The following SLIT3 variants were observed in gnomAD, a reference collection of about 807,000 sequenced individuals.
The protein encoded by SLIT3 is slit homolog 3 protein.
Under a neutral mutation model 184.0 loss-of-function variants are expected in SLIT3, and 68 were observed. That is an observed-to-expected ratio of 0.37 (90% CI 0.30 to 0.45). SLIT3 has a LOEUF of 0.45. Ranked by LOEUF, SLIT3 falls within the 20% of genes least tolerant of loss-of-function variation. The probability of loss-of-function intolerance (pLI) is 1.00; values close to 1 mark genes in which losing one functional copy is unlikely to be tolerated. For missense variants in SLIT3, 1,707 were observed against 2,026.0 expected, an observed-to-expected ratio of 0.84 and a Z score of 3.02; for synonymous variants, 831 against 828.6, an observed-to-expected ratio of 1.00 and a Z score of -0.05.
At chr5:169,020,237 T>C (rs1046157772) in intron 4 of SLIT3, among the ~76,000 whole-genome samples, 2 of 152,202 alleles carry the variant, frequency 1.3e-5, no homozygotes. Context: ...TGAACAAACA[T>C]ATTTCCTTGT....
chr5:168,922,546 A>G (rs1051609833), intron 4 of SLIT3, among the ~76,000 whole-genome samples: 4 of 151,968 alleles, frequency 2.6e-5, no homozygotes, highest in Non-Finnish European at 5.9e-5. Flanking sequence ...GCATTTGAGA[A>G]CAGGCTGACC....
intron 20 of SLIT3, among the ~76,000 whole-genome samples, chr5:168,740,655 C>T (rs1414852452): frequency 6.6e-6 from 1 of 152,154 alleles, no homozygotes; most frequent in Admixed American, 6.5e-5. Context: ...AACCCTCCAC[C>T]CCAGGAAGAC....
chr5:169,263,679 T>C (rs774541713), intron 1 of SLIT3: 3 of 513,084 alleles, frequency 5.8e-6, no homozygotes, highest in East Asian at 6.6e-5. Context: ...AGGGCTGCCA[T>C]AGCACAGACA....
At chr5:169,109,947 A>G (rs1249206852) in intron 4 of SLIT3, among the ~76,000 whole-genome samples, 3 of 152,214 alleles carry the variant, frequency 2.0e-5, no homozygotes, top group Admixed American at 6.5e-5. Flanking sequence ...CAGCAGGAAT[A>G]TCAAGATCCT....
chr5:169,187,463 G>A (rs779440347), intron 4 of SLIT3, among the ~76,000 whole-genome samples: 7 of 152,100 alleles, frequency 4.6e-5, no homozygotes, highest in Non-Finnish European at 8.8e-5. Context: ...ATTTGAACCT[G>A]AATCTGGGAT....
chr5:169,166,876 CA>C (rs1369320006), intron 4 of SLIT3, among the ~76,000 whole-genome samples: 2 of 152,148 alleles, frequency 1.3e-5, no homozygotes, highest in Non-Finnish European at 2.9e-5. Context: ...TTGTTAATAA[CA>C]ATGACTGGCC....
chr5:169,036,255 G>T (rs921498465), intron 4 of SLIT3: 1 of 152,150 alleles, frequency 6.6e-6, no homozygotes, highest in Non-Finnish European at 1.5e-5. Flanking sequence ...TTCCTCCTTC[G>T]TGGGATCCAG....
intron 4 of SLIT3, among the ~76,000 whole-genome samples, chr5:168,961,439 G>A (rs999400203): frequency 9.9e-5 from 15 of 152,206 alleles, no homozygotes; most frequent in African/African-American, 3.6e-4. Flanking sequence ...AGCAGGGTGA[G>A]AGTGGGAGGT....
intron 3 of SLIT3, among the ~76,000 whole-genome samples, chr5:169,219,684 C>A (rs1352262754): frequency 6.6e-6 from 1 of 152,234 alleles, no homozygotes; most frequent in African/African-American, 2.4e-5. Flanking sequence ...TCATCTTACT[C>A]AGCCTCAGCT....
intron 4 of SLIT3, among the ~76,000 whole-genome samples, chr5:169,085,737 G>T (rs987117551): frequency 6.6e-6 from 1 of 152,186 alleles, no homozygotes; most frequent in African/African-American, 2.4e-5. Flanking sequence ...CAATGCCTAC[G>T]CTCTGTCATC....
chr5:168,887,064 A>G (rs1423070327), intron 4 of SLIT3, among the ~76,000 whole-genome samples: 1 of 152,054 alleles, frequency 6.6e-6, no homozygotes, highest in Non-Finnish European at 1.5e-5. Context: ...AACTGCAGAC[A>G]CTTTGATAAA....
intron 4 of SLIT3, among the ~76,000 whole-genome samples, chr5:168,983,633 G>A (rs1755025914): frequency 6.6e-6 from 1 of 152,084 alleles, no homozygotes; most frequent in African/African-American, 2.4e-5. Flanking sequence ...TGCAAAATGG[G>A]GGAGCCTAAC....
intron 1 of SLIT3, among the ~76,000 whole-genome samples, chr5:169,261,618 G>A (rs747236008): frequency 7.2e-5 from 11 of 151,890 alleles, no homozygotes; most frequent in Non-Finnish European, 1.3e-4. Flanking sequence ...CTCCAGACCT[G>A]GCACTATGCT....
intron 4 of SLIT3, among the ~76,000 whole-genome samples, chr5:169,156,373 C>A (rs769970125): frequency 3.9e-5 from 6 of 152,234 alleles, no homozygotes; most frequent in Admixed American, 6.5e-5. Flanking sequence ...CCCTTTATCA[C>A]CCTAATGAAG....
At chr5:169,185,947 T>C (rs1403955688) in intron 4 of SLIT3, among the ~76,000 whole-genome samples, 1 of 152,176 alleles carries the variant, frequency 6.6e-6, no homozygotes, top group East Asian at 1.9e-4. Flanking sequence ...GCTGTCTAAA[T>C]CTCTAGGCCT....
chr5:169,023,808 C>A (rs1475238226), intron 4 of SLIT3: 1 of 152,160 alleles, frequency 6.6e-6, no homozygotes, highest in East Asian at 1.9e-4. Flanking sequence ...AGTTTTATAA[C>A]TCTGTTTTAC....
chr5:168,838,079 C>T (rs1055951895), intron 6 of SLIT3, among the ~76,000 whole-genome samples: 3 of 152,206 alleles, frequency 2.0e-5, no homozygotes, highest in African/African-American at 7.2e-5. Flanking sequence ...CTGAAGTTTT[C>T]TGGGCATTCA....
At chr5:169,290,475 A>C (rs1418975588) in intron 1 of SLIT3, among the ~76,000 whole-genome samples, 2 of 100,144 alleles carry the variant, frequency 2.0e-5, no homozygotes, top group Admixed American at 9.5e-5. Flanking sequence ...ACACGCTAGG[A>C]CATACACTGG....
chr5:169,054,376 A>C (rs1757917505), intron 4 of SLIT3, among the ~76,000 whole-genome samples: 1 of 152,138 alleles, frequency 6.6e-6, no homozygotes, highest in Admixed American at 6.5e-5. Context: ...GGCCCTGTCC[A>C]CACCTGGATT....
Sources: allele counts gnomAD v4.1 joint callset (sites outside exome capture counted in the v4.1 genomes callset), GRCh38; gene constraint gnomAD v4.1.1; transcripts MANE v1.5; gene names NCBI Gene and HGNC (gene_info 2026-07-23, HGNC 2026-07-21).